The following ANKS1B variants were observed in gnomAD, a reference collection of about 807,000 sequenced individuals.
The protein encoded by ANKS1B is ankyrin repeat and sterile alpha motif domain containing 1B.
Under a neutral mutation model 148.3 loss-of-function variants are expected in ANKS1B, and 36 were observed. That is an observed-to-expected ratio of 0.24 (90% CI 0.19 to 0.32). The LOEUF is 0.32. ANKS1B is among the 10% of genes least tolerant of loss of function. The pLI is 1.00. For missense variants in ANKS1B, 1,157 were observed against 1,542.6 expected (o/e 0.75, Z 4.19); for synonymous variants, 542 against 560.8 (o/e 0.97, Z 0.47).
At chr12:99,701,768 C>T (rs923082411) in intron 8 of ANKS1B, among the ~76,000 whole-genome samples, 2 of 152,012 alleles carry the variant, frequency 1.3e-5, no homozygotes, top group Non-Finnish European at 2.9e-5. Flanking sequence ...TTTTTAGATC[C>T]CACAAATGAG....
intron 15 of ANKS1B, among the ~76,000 whole-genome samples, chr12:99,114,372 C>T (rs534641810): frequency 6.6e-6 from 1 of 152,286 alleles, no homozygotes; most frequent in South Asian, 2.1e-4. Flanking sequence ...AAGAAACTAT[C>T]AACAGAGTAA....
intron 25 of ANKS1B, 82 bp downstream of exon 25, chr12:98,772,960 G>A: frequency 6.7e-7 from 1 of 1,500,034 alleles, no homozygotes; most frequent in Non-Finnish European, 9.1e-7. Context: ...AAGCTAGTGT[G>A]TTAATTATAA....
intron 17 of ANKS1B, among the ~76,000 whole-genome samples, chr12:99,016,163 C>G (rs1274200670): frequency 6.6e-6 from 1 of 151,748 alleles, no homozygotes; most frequent in Non-Finnish European, 1.5e-5. Flanking sequence ...CAGAAAACTA[C>G]AGCTAACATG....
intron 8 of ANKS1B, among the ~76,000 whole-genome samples, chr12:99,690,145 A>G (rs1432811953): frequency 2.0e-5 from 3 of 152,094 alleles, no homozygotes; most frequent in Admixed American, 2.0e-4. Context: ...TCTCATGAGA[A>G]CTCACTCACT....
chr12:99,929,488 G>C (rs2094558645), intron 1 of ANKS1B, among the ~76,000 whole-genome samples: 1 of 152,170 alleles, frequency 6.6e-6, no homozygotes, highest in Non-Finnish European at 1.5e-5. Flanking sequence ...CTGTGCAGAA[G>C]CTTTTTAGTT....
intron 1 of ANKS1B, among the ~76,000 whole-genome samples, chr12:99,931,727 C>T (rs2094621309): frequency 6.6e-6 from 1 of 152,084 alleles, no homozygotes; most frequent in African/African-American, 2.4e-5. Context: ...ATAATCACAT[C>T]AGGGTAAACA....
At chr12:99,744,609 C>T (rs1357724951) in intron 8 of ANKS1B, among the ~76,000 whole-genome samples, 1 of 152,210 alleles carries the variant, frequency 6.6e-6, no homozygotes, top group Non-Finnish European at 1.5e-5. Flanking sequence ...AGCTATACAA[C>T]TGCCTTAGCA....
At chr12:99,337,175 G>T (rs998346662) in intron 12 of ANKS1B, among the ~76,000 whole-genome samples, 1 of 151,810 alleles carries the variant, frequency 6.6e-6, no homozygotes, top group African/African-American at 2.4e-5. Context: ...AATTTTGTAG[G>T]TGTGCTTCAT....
intron 14 of ANKS1B, among the ~76,000 whole-genome samples, chr12:99,164,839 T>C (rs1165710500): frequency 6.6e-6 from 1 of 151,984 alleles, no homozygotes; most frequent in Non-Finnish European, 1.5e-5. Context: ...ATTTAAAGAG[T>C]CTTTATTTAA....
intron 1 of ANKS1B, among the ~76,000 whole-genome samples, chr12:99,951,305 G>A (rs935849625): frequency 5.3e-5 from 8 of 152,056 alleles, no homozygotes; most frequent in East Asian, 1.9e-4. Flanking sequence ...TACATCCACC[G>A]GTACTAGGAA....
At chr12:99,794,794 A>G (rs1160294383) in intron 4 of ANKS1B, among the ~76,000 whole-genome samples, 2 of 151,990 alleles carry the variant, frequency 1.3e-5, no homozygotes, top group Non-Finnish European at 2.9e-5. Context: ...ATAGCACAAC[A>G]GGGGCACTAT....
chr12:99,644,442 A>G (rs1489361450), intron 9 of ANKS1B, among the ~76,000 whole-genome samples: 1 of 152,190 alleles, frequency 6.6e-6, no homozygotes, highest in Admixed American at 6.5e-5. Flanking sequence ...GTTTATGACA[A>G]TTAGGTAATC....
rs939573429 is a variant in ANKS1B at position 99,783,145 on chromosome 12, C to A, written c.670-1048G>T. On this transcript the variant is annotated intron_variant, in intron 4 of 26. Coordinates refer to ENST00000683438, the MANE Select transcript of ANKS1B (RefSeq NM_001352186.2). Reference sequence around the variant, plus strand: ...GGTGGAGGTTGCAGTGAGCCGAGATCGCACCACTGCACTCCAGCCTGGGTG... The same window carrying A: ...GGTGGAGGTTGCAGTGAGCCGAGATAGCACCACTGCACTCCAGCCTGGGTG... Among the ~76,000 whole-genome samples the A allele has an allele frequency of 1.3e-4, 19 of 150,288 alleles. 1 individual carries two copies. Among genetic ancestry groups the A allele is most frequent in the African/African-American group, 4.4e-4 (18 of 40,794 alleles).
At chr12:98,869,920 A>G (rs1456610210) in intron 17 of ANKS1B, among the ~76,000 whole-genome samples, 1 of 152,174 alleles carries the variant, frequency 6.6e-6, no homozygotes, top group Non-Finnish European at 1.5e-5. Flanking sequence ...TGAAGAGTAC[A>G]TGATGGAATA....
At chr12:99,422,411 A>G (rs1053666835) in intron 11 of ANKS1B, among the ~76,000 whole-genome samples, 2 of 152,238 alleles carry the variant, frequency 1.3e-5, no homozygotes, top group Non-Finnish European at 2.9e-5. Flanking sequence ...ATGAAGAAAT[A>G]GAACTTCCTA....
intron 1 of ANKS1B, among the ~76,000 whole-genome samples, chr12:99,898,670 A>G (rs1020117765): frequency 2.0e-5 from 3 of 152,198 alleles, no homozygotes; most frequent in Non-Finnish European, 4.4e-5. Context: ...ATATGGAACA[A>G]CGATGAAGAA....
intron 12 of ANKS1B, among the ~76,000 whole-genome samples, chr12:99,397,610 C>T (rs2094288572): frequency 6.6e-6 from 1 of 152,020 alleles, no homozygotes; most frequent in African/African-American, 2.4e-5. Context: ...CATACCAGAA[C>T]TTTTTCCAGC....
chr12:99,837,011 A>G (rs985344502), intron 1 of ANKS1B, among the ~76,000 whole-genome samples: 1 of 152,172 alleles, frequency 6.6e-6, no homozygotes, highest in African/African-American at 2.4e-5. Context: ...TTAAGGTTGC[A>G]GATAGACTTA....
chr12:99,858,626 A>G (rs2089565170), intron 1 of ANKS1B, among the ~76,000 whole-genome samples: 1 of 152,212 alleles, frequency 6.6e-6, no homozygotes, highest in African/African-American at 2.4e-5. Flanking sequence ...AATTAGCTCA[A>G]ATGCCCATCA....
Sources: gnomAD v4.1 joint callset for allele counts (sites outside exome capture counted in the v4.1 genomes callset) on GRCh38, gnomAD v4.1.1 for gene constraint, MANE v1.5 for transcripts, NCBI Gene and HGNC (gene_info 2026-07-23, HGNC 2026-07-21) for gene names.